Variants in CCDC178 observed in about 807,000 individuals in gnomAD.
The protein encoded by CCDC178 is coiled-coil domain-containing protein 178.
A neutral mutation model predicts 117.4 loss-of-function variants in CCDC178; 126 were observed. The observed-to-expected ratio is 1.07, with a 90% CI of 0.93 to 1.24. CCDC178 has a LOEUF of 1.24. Among genes scored for constraint, CCDC178 ranks in the 50% most tolerant of loss-of-function variants. CCDC178 has a pLI of 0.00. For synonymous variants in CCDC178, 283 were observed against 313.4 expected (o/e 0.90, Z 1.02); for missense variants, 1,030 against 986.9 (o/e 1.04, Z -0.59).
chr18:33,418,572 C>G (rs187974319), intron 2 of CCDC178, among the ~76,000 whole-genome samples: 8 of 148,414 alleles, frequency 5.4e-5, no homozygotes, highest in South Asian at 2.1e-4. Context: ...CAATACATTT[C>G]TATATCTAAA....
At position 32,974,647 on chromosome 18, in the gene CCDC178, C is replaced by CA; in HGVS notation, c.2422dup (p.Trp808LeufsTer71). ...GACCACCAGTTTGAAGTGCTCCTGCCACAGTGTGTGCATCCTTCTCTGCAG... is the reference window on the plus strand; with the variant it reads ...GACCACCAGTTTGAAGTGCTCCTGCCAACAGTGTGTGCATCCTTCTCTGCAG... On this transcript the variant is annotated frameshift_variant, in exon 22 of 23. Transcript: ENST00000383096. LOFTEE classifies it high-confidence loss of function. 1 of 1,613,460 alleles carries CA rather than the reference C, an allele frequency of 6.2e-7. No individual in the cohort carries two copies. Among genetic ancestry groups the CA allele is most frequent in the Non-Finnish European group, 8.5e-7 (1 of 1,179,814 alleles).
intron 11 of CCDC178, among the ~76,000 whole-genome samples, chr18:33,312,441 A>G (rs1251599532): frequency 2.0e-5 from 3 of 152,194 alleles, no homozygotes; most frequent in Admixed American, 1.3e-4. Context: ...CAAGCATTCC[A>G]AAACCCTAAA....
chr18:33,246,030 G>A (rs892504745), intron 14 of CCDC178, among the ~76,000 whole-genome samples: 1 of 151,766 alleles, frequency 6.6e-6, no homozygotes, highest in African/African-American at 2.4e-5. Flanking sequence ...AGAACCACTT[G>A]AATAAAGCAA....
Position 33,376,066 on chromosome 18 carries a change from T to G in CCDC178, c.209-5877A>C, listed in dbSNP as rs569994902. Among the ~76,000 whole-genome samples, 20 of 152,270 alleles carry G rather than the reference T, an allele frequency of 1.3e-4. 1 individual carries two copies. In the South Asian group the frequency reaches 2.7e-3, roughly 21 times the overall value. On this transcript the variant is annotated intron_variant, in intron 5 of 22. Coordinates refer to ENST00000383096, the MANE Select transcript of CCDC178 (RefSeq NM_001105528.4). ...CGCAGCTTGACTTATGGACTTGGGT[T>G]TTTATACGTTGGCATACTTCCAAGA... is the stretch of plus-strand genomic sequence containing the variant.
intron 22 of CCDC178, among the ~76,000 whole-genome samples, chr18:32,938,902 G>C (rs2054177285): frequency 6.6e-6 from 1 of 152,102 alleles, no homozygotes; most frequent in Non-Finnish European, 1.5e-5. Flanking sequence ...CTGTAACTGT[G>C]TGCTCTGATT....
intron 14 of CCDC178, among the ~76,000 whole-genome samples, chr18:33,247,866 G>A (rs1599049865): frequency 6.6e-6 from 1 of 151,750 alleles, no homozygotes. Context: ...TGTGTTAAGC[G>A]ACATTCCAGT....
intron 21 of CCDC178, among the ~76,000 whole-genome samples, chr18:33,043,758 A>G (rs913906333): frequency 1.3e-5 from 2 of 151,952 alleles, no homozygotes; most frequent in African/African-American, 2.4e-5. Context: ...AAATTATAGT[A>G]TAACACCAAT....
chr18:33,212,663 C>G (rs541534232), intron 19 of CCDC178, among the ~76,000 whole-genome samples: 1 of 151,988 alleles, frequency 6.6e-6, no homozygotes, highest in African/African-American at 2.4e-5. Context: ...CTTCCTGTTA[C>G]ATAAGATGAT....
intron 20 of CCDC178, among the ~76,000 whole-genome samples, chr18:33,165,434 A>G (rs2058517072): frequency 6.6e-6 from 1 of 152,168 alleles, no homozygotes; most frequent in African/African-American, 2.4e-5. Flanking sequence ...GACTATATGC[A>G]AATACTATGC....
At chr18:33,022,411 C>T (rs2056141045) in intron 21 of CCDC178, among the ~76,000 whole-genome samples, 1 of 152,062 alleles carries the variant, frequency 6.6e-6, no homozygotes, top group African/African-American at 2.4e-5. Flanking sequence ...ATTATAATGT[C>T]TGATGTGGTT....
At chr18:33,040,394 T>C (rs999565332) in intron 21 of CCDC178, among the ~76,000 whole-genome samples, 15 of 151,736 alleles carry the variant, frequency 9.9e-5, no homozygotes, top group Non-Finnish European at 2.1e-4. Flanking sequence ...AAATGTATAA[T>C]TGGAGTCTCT....
At chr18:33,273,621 A>C (rs936696532) in intron 12 of CCDC178, among the ~76,000 whole-genome samples, 3 of 151,732 alleles carry the variant, frequency 2.0e-5, no homozygotes, top group African/African-American at 7.2e-5. Context: ...ATGAGATAAA[A>C]TAGTGTTTTC....
chr18:33,068,145 A>G (rs925918634), intron 21 of CCDC178, among the ~76,000 whole-genome samples: 1 of 152,184 alleles, frequency 6.6e-6, no homozygotes, highest in African/African-American at 2.4e-5. Flanking sequence ...GAACAGATCA[A>G]TAATGAGTAA....
At chr18:33,402,953 T>G (rs1471895651) in intron 3 of CCDC178, among the ~76,000 whole-genome samples, 1 of 152,198 alleles carries the variant, frequency 6.6e-6, no homozygotes, top group African/African-American at 2.4e-5. Flanking sequence ...ACTTGTAGAT[T>G]TTTTTAAATT....
chr18:33,167,744 G>A (rs912492015), intron 20 of CCDC178, among the ~76,000 whole-genome samples: 5 of 152,042 alleles, frequency 3.3e-5, no homozygotes, highest in Admixed American at 6.6e-5. Context: ...GCATGCACCT[G>A]TAATCACAGC....
intron 22 of CCDC178, chr18:32,954,048 G>A (rs1207994559): frequency 2.0e-5 from 3 of 151,972 alleles, no homozygotes; most frequent in East Asian, 1.9e-4. Flanking sequence ...TAAACAATAC[G>A]GTGTCCCTAC....
At chr18:33,050,007 G>T (rs1451666861) in intron 21 of CCDC178, among the ~76,000 whole-genome samples, 1 of 152,086 alleles carries the variant, frequency 6.6e-6, no homozygotes, top group Non-Finnish European at 1.5e-5. Context: ...CTTGAACCCG[G>T]GAGGCGGAGT....
chr18:32,943,532 AT>A (rs2054284132), intron 22 of CCDC178, among the ~76,000 whole-genome samples: 1 of 152,030 alleles, frequency 6.6e-6, no homozygotes, highest in Non-Finnish European at 1.5e-5. Flanking sequence ...TTAATACTTC[AT>A]TTTTTCTATT....
intron 19 of CCDC178, among the ~76,000 whole-genome samples, chr18:33,212,824 C>T (rs1599007492): frequency 6.6e-6 from 1 of 151,934 alleles, no homozygotes; most frequent in Non-Finnish European, 1.5e-5. Flanking sequence ...AGGAACAATA[C>T]TAGTAGAAAA....
Sources: gnomAD v4.1 joint callset for allele counts (sites outside exome capture counted in the v4.1 genomes callset) on GRCh38, gnomAD v4.1.1 for gene constraint, MANE v1.5 for transcripts, NCBI Gene and HGNC (gene_info 2026-07-23, HGNC 2026-07-21) for gene names.